Variants in LINGO1 observed in about 807,000 individuals in gnomAD.
LINGO1 encodes leucine rich repeat and Ig domain containing 1.
LINGO1 carries 11 observed loss-of-function variants against 37.3 expected under a neutral mutation model. The ratio of observed to expected loss-of-function variants is 0.29; its 90% CI spans 0.19 to 0.49. The LOEUF is 0.49. Among genes scored for constraint, LINGO1 ranks in the 20% least tolerant of loss-of-function variants. LINGO1 has a pLI of 0.99. For missense variants in LINGO1, 585 were observed against 878.2 expected, an observed-to-expected ratio of 0.67 and a Z score of 4.22; for synonymous variants, 387 against 403.0, an observed-to-expected ratio of 0.96 and a Z score of 0.48.
chr15:77,617,939 C>T (rs1323481258), intron 1 of LINGO1, among the ~76,000 whole-genome samples: 1 of 152,224 alleles, frequency 6.6e-6, no homozygotes, highest in Non-Finnish European at 1.5e-5. Flanking sequence ...CCTTCAGCCC[C>T]TCTCATCCTC....
chr15:77,666,989 G>A (rs1196524762), intron 3 of LINGO1: 3 of 152,380 alleles, frequency 2.0e-5, no homozygotes, highest in African/African-American at 7.2e-5. Flanking sequence ...AGTCTGGCCA[G>A]AGGGACACTG....
At chr15:77,628,848 C>T (rs576482813) in intron 1 of LINGO1, among the ~76,000 whole-genome samples, 7 of 152,286 alleles carry the variant, frequency 4.6e-5, no homozygotes, top group African/African-American at 7.2e-5. Context: ...GCAAGTCACT[C>T]GCCACCTCTC....
chr15:77,664,266 C>T (rs984554025), intron 3 of LINGO1, among the ~76,000 whole-genome samples: 1 of 152,024 alleles, frequency 6.6e-6, no homozygotes, highest in Non-Finnish European at 1.5e-5. Context: ...GACAGAAATC[C>T]TCCCCAAATC....
intron 1 of LINGO1, among the ~76,000 whole-genome samples, chr15:77,628,036 TA>T (rs1027818182): frequency 6.6e-6 from 1 of 152,098 alleles, no homozygotes; most frequent in Non-Finnish European, 1.5e-5. Context: ...ATTCAATCAG[TA>T]AAAATCAAGG....
intron 1 of LINGO1, among the ~76,000 whole-genome samples, chr15:77,811,791 C>T (rs1271159779): frequency 1.3e-5 from 2 of 152,166 alleles, no homozygotes; most frequent in African/African-American, 4.8e-5. Flanking sequence ...TGTGAAAAGG[C>T]TTGATGTCTA....
intron 2 of LINGO1, among the ~76,000 whole-genome samples, chr15:77,794,597 T>A (rs1381898680): frequency 4.8e-4 from 69 of 142,470 alleles, no homozygotes; most frequent in African/African-American, 1.3e-3. Context: ...TATATTTTTT[T>A]TTTTTTTTGA....
chr15:77,804,807 G>T (rs2076946770), intron 1 of LINGO1, among the ~76,000 whole-genome samples: 1 of 152,198 alleles, frequency 6.6e-6, no homozygotes, highest in Non-Finnish European at 1.5e-5. Flanking sequence ...AGCCTGCAGA[G>T]CCCCAGGTCC....
rs190571591 is a variant in LINGO1 at position 77,644,384 on chromosome 15, C to G, written c.-12-28484G>C. On this transcript the variant is annotated intron_variant, in intron 3 of 3. Coordinates refer to the LINGO1 transcript ENST00000559893. ...TGCCCAGGCCATCCTGGAAGCACAA[C>G]CCCCTCAACATGGCTGCCCTGAGCC... Among the ~76,000 whole-genome samples, 428 of 152,338 alleles carry G rather than the reference C, an allele frequency of 2.8e-3. 3 individuals are homozygous for G. Among genetic ancestry groups the G allele is most frequent in the Middle Eastern group, 3.4e-3 (1 of 294 alleles).
intron 1 of LINGO1, among the ~76,000 whole-genome samples, chr15:77,748,125 T>C (rs1464976430): frequency 6.6e-6 from 1 of 152,212 alleles, no homozygotes; most frequent in Non-Finnish European, 1.5e-5. Context: ...GGGTTAAGAC[T>C]CTGGCCACAC....
At chr15:77,761,702 G>A (rs2076478785) in intron 1 of LINGO1, among the ~76,000 whole-genome samples, 1 of 152,196 alleles carries the variant, frequency 6.6e-6, no homozygotes, top group Non-Finnish European at 1.5e-5. Context: ...CCCAAGGGCT[G>A]GGGAGCCAAG....
chr15:77,746,772 G>A (rs1176809163), intron 1 of LINGO1, among the ~76,000 whole-genome samples: 1 of 152,180 alleles, frequency 6.6e-6, no homozygotes, highest in Non-Finnish European at 1.5e-5. Flanking sequence ...GTGAACTGGG[G>A]GGTGTATCCA....
chr15:77,617,154 T>C (rs947560359), intron 1 of LINGO1, among the ~76,000 whole-genome samples: 10 of 152,272 alleles, frequency 6.6e-5, no homozygotes, highest in African/African-American at 1.9e-4. Context: ...AGCTTGCATA[T>C]AGGCTGCAGG....
At position 77,801,704 on chromosome 15, in the gene LINGO1, C is replaced by T. The variant is rs539153315; in HGVS notation, c.-457-5651G>A. Among the ~76,000 whole-genome samples, 14 of 152,194 alleles carry T rather than the reference C, an allele frequency of 9.2e-5. No homozygotes were observed. In the South Asian group the frequency reaches 2.7e-3, roughly 29 times the overall value. ...ATCCATCCATTCAGCCCCATCCAGTCCCAGCCCCACCCTCGTATCCTGAGG... is the reference window on the plus strand; with the variant it reads ...ATCCATCCATTCAGCCCCATCCAGTTCCAGCCCCACCCTCGTATCCTGAGG... On this transcript the variant is annotated intron_variant, in intron 1 of 5. Transcript: ENST00000562933.
chr15:77,672,885 A>G (rs996683202), intron 3 of LINGO1, among the ~76,000 whole-genome samples: 6 of 152,226 alleles, frequency 3.9e-5, no homozygotes, highest in African/African-American at 1.4e-4. Context: ...CTGATCAATC[A>G]CCAAGTCTAT....
At chr15:77,625,791 G>A (rs533742657) in intron 1 of LINGO1, among the ~76,000 whole-genome samples, 11 of 152,312 alleles carry the variant, frequency 7.2e-5, no homozygotes, top group Non-Finnish European at 1.6e-4. Context: ...GGGGCCTGCT[G>A]AGCTGTGTCA....
At chr15:77,755,676 A>G (rs1415766445) in intron 1 of LINGO1, among the ~76,000 whole-genome samples, 1 of 152,204 alleles carries the variant, frequency 6.6e-6, no homozygotes, top group African/African-American at 2.4e-5. Flanking sequence ...GGAAAACTCC[A>G]TAACCGGACC....
At chr15:77,621,686 C>A (rs2073926493) in intron 1 of LINGO1, among the ~76,000 whole-genome samples, 1 of 152,204 alleles carries the variant, frequency 6.6e-6, no homozygotes, top group South Asian at 2.1e-4. Flanking sequence ...CGACAAAAGC[C>A]TTTCCCCAAC....
intron 2 of LINGO1, among the ~76,000 whole-genome samples, chr15:77,705,066 G>T (rs1183162925): frequency 6.6e-6 from 1 of 151,964 alleles, no homozygotes; most frequent in Non-Finnish European, 1.5e-5. Flanking sequence ...CCTGGCAGGG[G>T]CACGGGGAAC....
intron 1 of LINGO1, among the ~76,000 whole-genome samples, chr15:77,809,854 C>T (rs1334082580): frequency 6.6e-6 from 1 of 152,172 alleles, no homozygotes; most frequent in East Asian, 1.9e-4. Context: ...TTGAGCCACT[C>T]GTCCGAGGTG....
Sources: gnomAD v4.1 joint callset for allele counts (sites outside exome capture counted in the v4.1 genomes callset) on GRCh38, gnomAD v4.1.1 for gene constraint, MANE v1.5 for transcripts, NCBI Gene and HGNC (gene_info 2026-07-23, HGNC 2026-07-21) for gene names.